The following TRAPPC9 variants were observed in gnomAD, a reference collection of about 807,000 sequenced individuals.
TRAPPC9 encodes the protein IKK2 binding protein.
A neutral mutation model predicts 124.0 loss-of-function variants in TRAPPC9; 83 were observed. The observed-to-expected ratio is 0.67, with a 90% CI of 0.56 to 0.80. The LOEUF is 0.80. TRAPPC9 is among the 30% of genes least tolerant of loss of function. The probability of loss-of-function intolerance (pLI) is 0.00; values close to 1 mark genes in which losing one functional copy is unlikely to be tolerated. For synonymous variants in TRAPPC9, 638 were observed against 617.5 expected (o/e 1.03, Z -0.49); for missense variants, 1,302 against 1,508.3 (o/e 0.86, Z 2.27).
intron 21 of TRAPPC9, among the ~76,000 whole-genome samples, chr8:139,781,406 C>A (rs2130526950): frequency 6.6e-6 from 1 of 152,248 alleles, no homozygotes; most frequent in East Asian, 1.9e-4. Context: ...TATGAAAAAG[C>A]TACACACTGT....
At chr8:140,323,949 A>T (rs570463096) in intron 9 of TRAPPC9, among the ~76,000 whole-genome samples, 1 of 152,082 alleles carries the variant, frequency 6.6e-6, no homozygotes. Context: ...TGGTTACATA[A>T]ATCAGTTCTT....
At chr8:140,143,038 T>C (rs1378876680) in intron 17 of TRAPPC9, among the ~76,000 whole-genome samples, 1 of 152,158 alleles carries the variant, frequency 6.6e-6, no homozygotes, top group Non-Finnish European at 1.5e-5. Context: ...AAGCAGCTGT[T>C]AGTGGAGTGA....
At chr8:139,936,885 C>G (rs113425688) in intron 19 of TRAPPC9, among the ~76,000 whole-genome samples, 1 of 48,856 alleles carries the variant, frequency 2.0e-5, no homozygotes, top group Non-Finnish European at 3.9e-5. Context: ...GGGGAGTGGG[C>G]ACTGCAGTGT....
intron 17 of TRAPPC9, among the ~76,000 whole-genome samples, chr8:140,086,314 G>C (rs1019462856): frequency 6.6e-6 from 1 of 152,230 alleles, no homozygotes; most frequent in Non-Finnish European, 1.5e-5. Context: ...AAGGAGCAGG[G>C]AGAGGCAAGA....
In TRAPPC9 at chr8:140,112,351, C is replaced by CCAGACGATGGTGGGACAGGTGT. The variant is rs2060794544; in HGVS notation, c.2557-88273_2557-88272insACACCTGTCCCACCATCGTCTG. 3.3e-5 allele frequency among the ~76,000 whole-genome samples: 4 copies of CCAGACGATGGTGGGACAGGTGT among 122,264 alleles called. 1 individual carries two copies. The South Asian group carries it at 1.0e-3, about 32-fold the overall frequency. The allele number at this position is 122,264 out of a possible 152,430, so 80.2% of individuals were successfully genotyped here. On this transcript the variant is annotated intron_variant, in intron 17 of 22. Transcript: ENST00000438773. Reference sequence around the variant, plus strand: ...ATTCCAGACGATGGTGGGACAGGTGCGAGGAGAGGAATGGAGAATTCCAGA... The same window carrying CCAGACGATGGTGGGACAGGTGT: ...ATTCCAGACGATGGTGGGACAGGTGCCAGACGATGGTGGGACAGGTGTGAGGAGAGGAATGGAGAATTCCAGA...
At chr8:140,046,668 G>A (rs779621382) in intron 17 of TRAPPC9, among the ~76,000 whole-genome samples, 1 of 152,184 alleles carries the variant, frequency 6.6e-6, no homozygotes, top group Non-Finnish European at 1.5e-5. Context: ...CAGTCATCTT[G>A]CACTTTCTAA....
chr8:140,348,926 T>G (rs2067434217), intron 9 of TRAPPC9, among the ~76,000 whole-genome samples: 1 of 151,636 alleles, frequency 6.6e-6, no homozygotes, highest in African/African-American at 2.4e-5. Flanking sequence ...CAGGATGAGC[T>G]GGGAAAAGGA....
At chr8:139,992,924 A>G (rs1309786752) in intron 18 of TRAPPC9, among the ~76,000 whole-genome samples, 2 of 152,176 alleles carry the variant, frequency 1.3e-5, no homozygotes, top group Non-Finnish European at 2.9e-5. Flanking sequence ...GAATAGCTAA[A>G]TATAGAAAAA....
chr8:140,214,858 C>A (rs2063152182), intron 17 of TRAPPC9, among the ~76,000 whole-genome samples: 1 of 152,182 alleles, frequency 6.6e-6, no homozygotes, highest in Non-Finnish European at 1.5e-5. Flanking sequence ...TTTCCCACTT[C>A]TCGGGGTGCT....
At chr8:140,284,146 C>T (rs1490190436) in intron 13 of TRAPPC9, 125 bp from the exon 14 acceptor site, 23 of 1,275,554 alleles carry the variant, frequency 1.8e-5, no homozygotes, top group South Asian at 4.8e-5. Flanking sequence ...CTGCCCGGGG[C>T]CCGCCGGCGC....
rs138725419 is a variant in TRAPPC9, at chr8:139,788,748, C to T, written c.3056-56546G>A. 1.2e-3 allele frequency among the ~76,000 whole-genome samples: 184 copies of T among 152,322 alleles called. 2 individuals carry two copies. The highest frequency in any genetic ancestry group is 4.2e-3 in the African/African-American group (175 of 41,572). ...GCAGGCTGAGCACAAGGTCCACAGC[C>T]CTCCCTTGACACAAAGTCAACTCAC... is the stretch of plus-strand genomic sequence containing the variant. On this transcript the variant is annotated intron_variant, in intron 21 of 22. Transcript: ENST00000438773. The surrounding 1 kb of genome is among the most constrained non-coding windows in gnomAD (Gnocchi z 4.9).
intron 17 of TRAPPC9, among the ~76,000 whole-genome samples, chr8:140,061,373 T>G (rs944319586): frequency 6.6e-6 from 1 of 152,156 alleles, no homozygotes. Flanking sequence ...GAGCATTTCG[T>G]GAATACCTAA....
rs1379123722 is a variant in TRAPPC9, at chr8:140,182,049, G to A, written c.2556+39410C>T. On this transcript the variant is annotated intron_variant, in intron 17 of 22. Coordinates refer to ENST00000438773, the MANE Select transcript of TRAPPC9 (RefSeq NM_001160372.4). The surrounding 1 kb of genome is among the most constrained non-coding windows in gnomAD (Gnocchi z 4.0). ...GAAGCCCTTCATGACTCAGTACCAG[G>A]GAGCTGCAGCCTGAACTCCCTTCTT... 1.3e-5 allele frequency among the ~76,000 whole-genome samples: 2 copies of A among 152,086 alleles called. No homozygotes were observed. The highest frequency in any genetic ancestry group is 4.8e-5 in the African/African-American group (2 of 41,418).
chr8:140,270,589 G>C (rs947530727), intron 15 of TRAPPC9, among the ~76,000 whole-genome samples: 1 of 152,200 alleles, frequency 6.6e-6, no homozygotes, highest in Non-Finnish European at 1.5e-5. Context: ...GACCTCCTGT[G>C]GCACTAAGTC....
chr8:140,225,831 C>T (rs1481691516), intron 16 of TRAPPC9, among the ~76,000 whole-genome samples: 2 of 152,152 alleles, frequency 1.3e-5, no homozygotes, highest in Non-Finnish European at 2.9e-5. Context: ...TACACAGGAC[C>T]CGTAATACAG....
intron 17 of TRAPPC9, among the ~76,000 whole-genome samples, chr8:140,102,303 C>G (rs1011256725): frequency 1.3e-5 from 2 of 152,108 alleles, no homozygotes; most frequent in Non-Finnish European, 2.9e-5. Flanking sequence ...CCTGACTACC[C>G]AGGTGGAAAT....
intron 4 of TRAPPC9, among the ~76,000 whole-genome samples, chr8:140,430,741 C>T (rs1315992878): frequency 6.6e-6 from 1 of 152,168 alleles, no homozygotes; most frequent in African/African-American, 2.4e-5. Context: ...TGGGCTCAAG[C>T]AATCCTCCCA....
At chr8:139,858,534 A>T (rs573834222) in intron 21 of TRAPPC9, among the ~76,000 whole-genome samples, 1 of 152,090 alleles carries the variant, frequency 6.6e-6, no homozygotes, top group Non-Finnish European at 1.5e-5. Flanking sequence ...ACTGACTCAC[A>T]TCTTCTCTGC....
At chr8:140,217,182 C>A (rs910685787) in intron 17 of TRAPPC9, among the ~76,000 whole-genome samples, 1 of 152,222 alleles carries the variant, frequency 6.6e-6, no homozygotes, top group African/African-American at 2.4e-5. Flanking sequence ...CTGAACCCAG[C>A]CTCTGCAGTC....
Sources: gnomAD v4.1 joint callset for allele counts (sites outside exome capture counted in the v4.1 genomes callset) on GRCh38, gnomAD v4.1.1 for gene constraint, Gnocchi (gnomAD v3.1) non-coding constraint, MANE v1.5 for transcripts, NCBI Gene and HGNC (gene_info 2026-07-23, HGNC 2026-07-21) for gene names.